CHUK: variants seen among roughly 807,000 people sequenced by gnomAD.
The protein encoded by CHUK is component of inhibitor of nuclear factor kappa B kinase complex.
A neutral mutation model predicts 104.8 loss-of-function variants in CHUK; 35 were observed. The observed-to-expected ratio is 0.33, with a 90% CI of 0.26 to 0.44. The LOEUF is 0.44. CHUK is among the 20% of genes least tolerant of loss of function. The pLI is 1.00. For synonymous variants in CHUK, 276 were observed against 291.9 expected (o/e 0.95, Z 0.56); for missense variants, 663 against 902.7 (o/e 0.73, Z 3.40).
At chr10:100,228,987 G>A (rs1158053701) in intron 1 of CHUK, among the ~76,000 whole-genome samples, 7 of 84,790 alleles carry the variant, frequency 8.3e-5, no homozygotes, top group East Asian at 4.0e-4. Context: ...GCGCGCGCGC[G>A]CGCGCGCACA....
At chr10:100,193,550 G>T in intron 18 of CHUK, 119 bp from the exon 19 acceptor site, 2 of 1,159,858 alleles carry the variant, frequency 1.7e-6, no homozygotes, top group Non-Finnish European at 2.5e-6. Context: ...CACAACCAGA[G>T]TATTTCAGTA....
intron 10 of CHUK, among the ~76,000 whole-genome samples, chr10:100,209,203 A>G (rs1277878514): frequency 6.6e-6 from 1 of 152,230 alleles, no homozygotes; most frequent in Non-Finnish European, 1.5e-5. Context: ...AGATAAATAA[A>G]CTACGGAAAA....
At chr10:100,215,214 CAAAAAAAAA>C (rs913817319) in intron 9 of CHUK, among the ~76,000 whole-genome samples, 2 of 51,586 alleles carry the variant, frequency 3.9e-5, no homozygotes, top group African/African-American at 5.0e-5. Flanking sequence ...GGCTCCATAT[CAAAAAAAAA>C]AAAAAAAAAA....
Position 100,226,025 on chromosome 10 carries a change from A to C in CHUK, c.106-8T>G, listed in dbSNP as rs748499838. ...TATTTTGAGATCAAGTTCCTGCCAA[A>C]ATAGAAAATCAACAGAAAAAAAAAA... On this transcript the variant is annotated splice_polypyrimidine_tract_variant and splice_region_variant and intron_variant, in intron 1 of 20. Transcript: ENST00000370397. The C allele has an allele frequency of 1.9e-5, 30 of 1,551,654 alleles. 1 individual carries two copies. In the Middle Eastern group the frequency reaches 3.9e-3, roughly 200 times the overall value.
intron 1 of CHUK, 105 bp downstream of exon 1, chr10:100,229,323 G>A: frequency 1.2e-6 from 1 of 837,732 alleles, no homozygotes; most frequent in Middle Eastern, 2.2e-4. Flanking sequence ...TACTGCCCAA[G>A]GTCCCACCAA....
chr10:100,215,745 C>T (rs1845840958), intron 9 of CHUK, among the ~76,000 whole-genome samples: 1 of 152,064 alleles, frequency 6.6e-6, no homozygotes, highest in Non-Finnish European at 1.5e-5. Context: ...AGACATCATT[C>T]CTTTCTTGTA....
rs571413963 is a variant in CHUK, at chr10:100,207,142, C to T, written c.1231+88G>A. ...CAAGTATGAGATACAGAACACAACA[C>T]CAAAAGTCCATTTCTACTAATCATA... On this transcript the variant is annotated intron_variant, in intron 11 of 20. Coordinates refer to ENST00000370397, the MANE Select transcript of CHUK (RefSeq NM_001278.5). The T allele has an allele frequency of 1.5e-5, 11 of 757,868 alleles. No homozygotes were observed. In the Admixed American group the frequency reaches 2.0e-4, roughly 14 times the overall value. 46.9% of individuals were successfully genotyped at this position (757,868 alleles called of 1,614,324 possible). A position where few individuals can be genotyped will look rare whatever the true frequency, so the allele number is the denominator to read the frequency against.
At chr10:100,212,979 C>A (rs751887431) in intron 9 of CHUK, among the ~76,000 whole-genome samples, 8 of 129,814 alleles carry the variant, frequency 6.2e-5, no homozygotes, top group Non-Finnish European at 1.2e-4. Flanking sequence ...GCACTCCAGG[C>A]GACAGAGTGA....
intron 13 of CHUK, 61 bp from the exon 14 acceptor site, chr10:100,202,210 C>T: frequency 9.0e-7 from 1 of 1,109,416 alleles, no homozygotes; most frequent in East Asian, 2.3e-5. Context: ...TACTGGCTGC[C>T]TGCCTCCTTG....
chr10:100,224,190 C>T (rs2134250739), intron 2 of CHUK, among the ~76,000 whole-genome samples: 1 of 152,252 alleles, frequency 6.6e-6, no homozygotes, highest in South Asian at 2.1e-4. Context: ...CAAGCTTCCC[C>T]ATGAAGAGGC....
At chr10:100,212,889 CCAGCTACT>C (rs1845761120) in intron 9 of CHUK, among the ~76,000 whole-genome samples, 1 of 151,494 alleles carries the variant, frequency 6.6e-6, no homozygotes, top group African/African-American at 2.4e-5. Flanking sequence ...GCCTATAATC[CCAGCTACT>C]CAGAAGGCTG....
At chr10:100,229,232 A>T (rs1288599604) in intron 1 of CHUK, among the ~76,000 whole-genome samples, 196 bp downstream of exon 1, 1 of 152,176 alleles carries the variant, frequency 6.6e-6, no homozygotes, top group Non-Finnish European at 1.5e-5. Context: ...ATCTATGCCC[A>T]GTACCTCAAA....
chr10:100,204,365 T>C, intron 13 of CHUK, 141 bp downstream of exon 13: 1 of 715,060 alleles, frequency 1.4e-6, no homozygotes, highest in Non-Finnish European at 2.5e-6. Flanking sequence ...AAAACAAACA[T>C]GGTTTATGTT....
chr10:100,223,354 C>T (rs750846637), intron 2 of CHUK, among the ~76,000 whole-genome samples: 15 of 152,048 alleles, frequency 9.9e-5, no homozygotes, highest in East Asian at 5.8e-4. Flanking sequence ...TCAAATCTGG[C>T]GTTCTAGGCT....
chr10:100,210,091 A>ATTTATTTATTTATTTT lies in CHUK; in HGVS notation c.934-303_934-302insAAAATAAATAAATAAA, dbSNP rs58570772. Among the ~76,000 whole-genome samples, 196 of 121,802 alleles carry ATTTATTTATTTATTTT rather than the reference A, an allele frequency of 1.6e-3. 2 individuals carry two copies. Among genetic ancestry groups the ATTTATTTATTTATTTT allele is most frequent in the African/African-American group, 3.0e-3 (99 of 33,260 alleles). 79.9% of individuals were successfully genotyped at this position (121,802 alleles called of 152,430 possible). ...TATTTATTTATTTATTTATTTATTT[A>ATTTATTTATTTATTTT]TTTTTTTTTTTTTTGAGACGGAGTC... On this transcript the variant is annotated intron_variant, in intron 9 of 20. Transcript: ENST00000370397.
At chr10:100,205,665 C>T (rs1036538100) in intron 11 of CHUK, among the ~76,000 whole-genome samples, 1 of 152,198 alleles carries the variant, frequency 6.6e-6, no homozygotes, top group African/African-American at 2.4e-5. Flanking sequence ...TGATGGCTCA[C>T]GCCTGTAATC....
intron 5 of CHUK, 148 bp from the exon 6 acceptor site, chr10:100,219,507 C>T: frequency 1.6e-6 from 1 of 632,912 alleles, no homozygotes; most frequent in Non-Finnish European, 2.8e-6. Context: ...CTGAGTGCCA[C>T]CACTTAACTA....
chr10:100,224,086 A>ACTCT lies in CHUK; in HGVS notation c.201-1110_201-1107dup, dbSNP rs3884083. On this transcript the variant is annotated intron_variant, in intron 2 of 20. Coordinates refer to ENST00000370397, the MANE Select transcript of CHUK (RefSeq NM_001278.5). ...CGGTTTTCATCTTGCTCGCTCGTTCACTCTCTCTCTCTCTCTCTCTCTCTC... is the reference window on the plus strand; with the variant it reads ...CGGTTTTCATCTTGCTCGCTCGTTCACTCTCTCTCTCTCTCTCTCTCTCTCTCTC... Among the ~76,000 whole-genome samples the ACTCT allele has an allele frequency of 9.5e-3, 1,408 of 148,282 alleles. 10 individuals carry two copies. The highest frequency in any genetic ancestry group is 9.6e-3 in the African/African-American group (387 of 40,346).
At chr10:100,229,373 C>A in intron 1 of CHUK, 55 bp downstream of exon 1, 2 of 1,343,152 alleles carry the variant, frequency 1.5e-6, no homozygotes, top group Non-Finnish European at 2.1e-6. Flanking sequence ...TCCACAGACG[C>A]TCAAACCCAC....
Sources: gnomAD v4.1 joint callset for allele counts (sites outside exome capture counted in the v4.1 genomes callset) on GRCh38, gnomAD v4.1.1 for gene constraint, MANE v1.5 for transcripts, NCBI Gene and HGNC (gene_info 2026-07-23, HGNC 2026-07-21) for gene names.